Variants in OPCML observed in about 807,000 individuals in gnomAD.
The protein encoded by OPCML is opioid binding protein/cell adhesion molecule like.
OPCML carries 13 observed loss-of-function variants against 37.8 expected under a neutral mutation model. That is an observed-to-expected ratio of 0.34 (90% CI 0.22 to 0.55). OPCML has a LOEUF of 0.55. Among genes scored for constraint, OPCML ranks in the 20% least tolerant of loss-of-function variants. The probability of loss-of-function intolerance (pLI) is 0.91; values close to 1 mark genes in which losing one functional copy is unlikely to be tolerated. For synonymous variants in OPCML, 176 were observed against 168.8 expected (o/e 1.04, Z -0.33); for missense variants, 341 against 435.6 (o/e 0.78, Z 1.93).
chr11:133,184,865 C>T (rs78173704), intron 1 of OPCML, among the ~76,000 whole-genome samples: 6,283 of 152,176 alleles, frequency 0.041, 213 homozygotes, highest in African/African-American at 0.099. Context: ...AATAGAGAAC[C>T]GTTTCCCGCA....
chr11:133,257,511 C>T (rs116673638), intron 1 of OPCML, among the ~76,000 whole-genome samples: 56 of 152,276 alleles, frequency 3.7e-4, no homozygotes, highest in African/African-American at 1.3e-3. Flanking sequence ...TCCATAGATG[C>T]CTAGGCCTCT....
intron 2 of OPCML, among the ~76,000 whole-genome samples, chr11:132,699,992 T>C (rs1943744470): frequency 7.5e-6 from 1 of 133,722 alleles, no homozygotes; most frequent in African/African-American, 2.9e-5. Context: ...TTTTTGGGAG[T>C]TATTTAATTT....
chr11:132,437,125 C>T, intron 5 of OPCML, 97 bp downstream of exon 5: 1 of 1,528,802 alleles, frequency 6.5e-7, no homozygotes, highest in Non-Finnish European at 8.8e-7. Flanking sequence ...TGGCAGGAAC[C>T]TGGGTCCTTT....
chr11:132,705,606 G>A (rs1453636083), intron 2 of OPCML, among the ~76,000 whole-genome samples: 1 of 151,838 alleles, frequency 6.6e-6, no homozygotes, highest in Non-Finnish European at 1.5e-5. Context: ...AAAATAAAAA[G>A]TAAAAATAAA....
rs1944497289 is a variant in OPCML, at chr11:132,716,454, C to CT, written c.147-59136_147-59135insA. ...TCTATCTATCTATCTATCTATCTATCATCTGTCTACCTACCATCTGTCTAT... is the reference window on the plus strand; with the variant it reads ...TCTATCTATCTATCTATCTATCTATCTATCTGTCTACCTACCATCTGTCTAT... On this transcript the variant is annotated intron_variant, in intron 2 of 7. Coordinates refer to ENST00000524381, the MANE Select transcript of OPCML (RefSeq NM_001012393.5). 2.0e-5 allele frequency among the ~76,000 whole-genome samples: 3 copies of CT among 148,532 alleles called. No individual in the cohort carries two copies. In the South Asian group the frequency reaches 6.5e-4, roughly 32 times the overall value.
intron 1 of OPCML, among the ~76,000 whole-genome samples, chr11:133,461,602 T>C (rs1001642711): frequency 3.3e-5 from 5 of 151,834 alleles, no homozygotes; most frequent in African/African-American, 9.7e-5. Flanking sequence ...AAAAAACTTA[T>C]ACAGTGAAAA....
rs1026234549 is a variant in OPCML at position 132,470,811 on chromosome 11, C to T, written c.506-33452G>A. On this transcript the variant is annotated intron_variant, in intron 4 of 7. Coordinates refer to ENST00000524381, the MANE Select transcript of OPCML (RefSeq NM_001012393.5). ...CATGTTCATGCTCTTAACCATTCTA[C>T]TAAATATGAATTTGTGAGTCAGCAT... Among the ~76,000 whole-genome samples the T allele has an allele frequency of 1.3e-3, 197 of 152,274 alleles. 1 individual carries two copies. The highest frequency in any genetic ancestry group is 4.3e-3 in the African/African-American group (177 of 41,570).
intron 1 of OPCML, among the ~76,000 whole-genome samples, chr11:133,123,232 A>G (rs1949448102): frequency 1.3e-5 from 2 of 152,130 alleles, no homozygotes; most frequent in East Asian, 3.9e-4. Context: ...CAGCCAGCTC[A>G]TTTGGGTGAC....
intron 1 of OPCML, among the ~76,000 whole-genome samples, chr11:133,136,767 G>A (rs529492370): frequency 2.6e-4 from 40 of 151,390 alleles, no homozygotes; most frequent in East Asian, 2.2e-3. Context: ...GCTCGATTTC[G>A]AAGAACCTAA....
chr11:133,167,353 C>T (rs2137232741), intron 1 of OPCML, among the ~76,000 whole-genome samples: 1 of 152,176 alleles, frequency 6.6e-6, no homozygotes, highest in South Asian at 2.1e-4. Flanking sequence ...AACTGCAAGA[C>T]CCAAGTTAGA....
chr11:133,367,952 G>T (rs1221116060), intron 1 of OPCML, among the ~76,000 whole-genome samples: 1 of 152,142 alleles, frequency 6.6e-6, no homozygotes, highest in East Asian at 1.9e-4. Flanking sequence ...CTGCAAACTG[G>T]TCTCCCTGGC....
At chr11:133,120,945 C>T (rs908606175) in intron 1 of OPCML, among the ~76,000 whole-genome samples, 37 of 152,184 alleles carry the variant, frequency 2.4e-4, no homozygotes, top group African/African-American at 7.2e-4. Context: ...TTTTTTTAGA[C>T]GGAATCTTGC....
chr11:133,005,396 T>C (rs772571998), intron 1 of OPCML: 1 of 985,356 alleles, frequency 1.0e-6, no homozygotes, highest in Non-Finnish European at 1.2e-6. Flanking sequence ...CTGTCTACAT[T>C]AATGCTTTTT....
At chr11:132,849,963 C>T (rs1265170340) in intron 2 of OPCML, among the ~76,000 whole-genome samples, 1 of 152,212 alleles carries the variant, frequency 6.6e-6, no homozygotes, top group Non-Finnish European at 1.5e-5. Context: ...CGCACCAGCT[C>T]CTTCCATCCT....
chr11:133,362,908 T>C (rs569689824), intron 1 of OPCML, among the ~76,000 whole-genome samples: 99 of 152,272 alleles, frequency 6.5e-4, no homozygotes, highest in African/African-American at 2.2e-3. Context: ...ATGTCTGCAA[T>C]AGCTCTGTGC....
intron 1 of OPCML, among the ~76,000 whole-genome samples, chr11:133,088,026 GAAGGT>G (rs983218440): frequency 2.0e-5 from 3 of 152,208 alleles, no homozygotes; most frequent in Non-Finnish European, 4.4e-5. Context: ...TGTGTAATAA[GAAGGT>G]AAGGGTGAGA....
chr11:133,416,341 A>AT (rs1945764752), intron 1 of OPCML, among the ~76,000 whole-genome samples: 1 of 152,204 alleles, frequency 6.6e-6, no homozygotes. Flanking sequence ...TTCTTGCAGA[A>AT]ATAAAGATGT....
intron 1 of OPCML, among the ~76,000 whole-genome samples, chr11:133,478,587 C>G (rs1947296934): frequency 6.6e-6 from 1 of 152,168 alleles, no homozygotes; most frequent in Non-Finnish European, 1.5e-5. Flanking sequence ...TTCTTTCAAG[C>G]CATCTTTCTT....
At chr11:132,495,015 CTT>C (rs35970569) in intron 4 of OPCML, among the ~76,000 whole-genome samples, 35,370 of 146,308 alleles carry the variant, frequency 0.24, 4,922 homozygotes, top group East Asian at 0.61. Context: ...TTGTGGATGA[CTT>C]TTTTTTTTTT....
Sources: gnomAD v4.1 joint callset for allele counts (sites outside exome capture counted in the v4.1 genomes callset) on GRCh38, gnomAD v4.1.1 for gene constraint, MANE v1.5 for transcripts, NCBI Gene and HGNC (gene_info 2026-07-23, HGNC 2026-07-21) for gene names.